XRCC5: variants seen among roughly 807,000 people sequenced by gnomAD.
The protein encoded by XRCC5 is X-ray repair cross complementing 5.
In XRCC5, 12 loss-of-function variants were observed where a neutral mutation model predicts 95.7. The ratio of observed to expected loss-of-function variants is 0.13; its 90% CI spans 0.08 to 0.20. XRCC5 has a LOEUF of 0.20. XRCC5 is among the 10% of genes least tolerant of loss of function. The pLI is 1.00. For synonymous variants in XRCC5, 281 were observed against 290.3 expected, an observed-to-expected ratio of 0.97 and a Z score of 0.33; for missense variants, 595 against 873.9, an observed-to-expected ratio of 0.68 and a Z score of 4.02.
chr2:216,188,151 A>T (rs192750948), intron 16 of XRCC5, among the ~76,000 whole-genome samples: 1 of 152,032 alleles, frequency 6.6e-6, no homozygotes, highest in South Asian at 2.1e-4. Context: ...TCTTCTTCAT[A>T]CTTAGGCTAA....
chr2:216,117,382 G>T (rs187836916), intron 3 of XRCC5: 97 of 237,958 alleles, frequency 4.1e-4, no homozygotes, highest in Non-Finnish European at 6.2e-4. Context: ...GGGAAGTGCT[G>T]TTGTGTTAGG....
At chr2:216,118,501 A>C (rs958593690) in intron 4 of XRCC5, among the ~76,000 whole-genome samples, 2 of 152,122 alleles carry the variant, frequency 1.3e-5, no homozygotes, top group African/African-American at 4.8e-5. Flanking sequence ...GTATTTATTT[A>C]ATTATTGTGC....
chr2:216,140,300 A>G (rs1257869672), intron 12 of XRCC5, among the ~76,000 whole-genome samples: 1 of 152,254 alleles, frequency 6.6e-6, no homozygotes, highest in Non-Finnish European at 1.5e-5. Context: ...TTTAGGAACT[A>G]CTTACTCTTT....
Position 216,195,001 on chromosome 2 carries a change from A to C in XRCC5, c.2109+15A>C, listed in dbSNP as rs1175374154. On this transcript the variant is annotated intron_variant, in intron 19 of 20. Transcript: ENST00000392132. ...AAGCCAAAAAGGTATTGAGGGGTAA[A>C]CCTTTGTCTTTAGTTGAATTATTAT... 6.2e-7 allele frequency: 1 copy of C among 1,613,214 alleles called. No homozygotes were observed. Among genetic ancestry groups the C allele is most frequent in the Non-Finnish European group, 8.5e-7 (1 of 1,179,370 alleles).
intron 1 of XRCC5, chr2:216,110,557 GA>G (rs1696568174): frequency 1.3e-5 from 2 of 152,306 alleles, no homozygotes; most frequent in South Asian, 4.1e-4. Flanking sequence ...CTTCGGTATA[GA>G]AATGAAGAGT....
chr2:216,112,634 A>G (rs1282132659), intron 1 of XRCC5, among the ~76,000 whole-genome samples: 1 of 152,204 alleles, frequency 6.6e-6, no homozygotes, highest in Admixed American at 6.5e-5. Flanking sequence ...ATCTGTTCTC[A>G]TGTTTGTAGG....
chr2:216,175,221 C>A, intron 16 of XRCC5: 1 of 373,508 alleles, frequency 2.7e-6, no homozygotes, highest in South Asian at 2.1e-5. Context: ...TGCCCACCGT[C>A]ACCTCCACAT....
intron 15 of XRCC5, 35 bp downstream of exon 15, chr2:216,160,196 G>GC: frequency 6.8e-7 from 1 of 1,478,426 alleles, no homozygotes; most frequent in Non-Finnish European, 9.2e-7. Context: ...TTCCCCCTTT[G>GC]CAGGAAGGTT....
At chr2:216,165,908 A>G (rs1173436773) in intron 16 of XRCC5, among the ~76,000 whole-genome samples, 2 of 152,228 alleles carry the variant, frequency 1.3e-5, no homozygotes, top group East Asian at 1.9e-4. Flanking sequence ...TCAGCAGTCT[A>G]TATATAGTAG....
At chr2:216,119,799 C>G (rs1373928876) in intron 5 of XRCC5, among the ~76,000 whole-genome samples, 2 of 152,358 alleles carry the variant, frequency 1.3e-5, no homozygotes, top group East Asian at 3.9e-4. Context: ...AATATTCCCT[C>G]CGGGATTTAC....
At chr2:216,163,450 C>T (rs1021878339) in intron 16 of XRCC5, among the ~76,000 whole-genome samples, 3 of 152,018 alleles carry the variant, frequency 2.0e-5, no homozygotes, top group African/African-American at 4.8e-5. Context: ...CCCCCACGCC[C>T]GGCTAATTTT....
chr2:216,115,761 A>G (rs1428889120), intron 2 of XRCC5, among the ~76,000 whole-genome samples: 4 of 151,668 alleles, frequency 2.6e-5, no homozygotes, highest in Non-Finnish European at 4.4e-5. Flanking sequence ...CAGGTAACCA[A>G]TTTTCCCATT....
At chr2:216,162,438 G>A (rs1280892816) in intron 16 of XRCC5, among the ~76,000 whole-genome samples, 6 of 138,410 alleles carry the variant, frequency 4.3e-5, no homozygotes, top group Admixed American at 2.9e-4. Flanking sequence ...TTTCTCTCTT[G>A]TTGCCCAGGC....
At chr2:216,186,493 G>C (rs959394068) in intron 16 of XRCC5, among the ~76,000 whole-genome samples, 2 of 152,186 alleles carry the variant, frequency 1.3e-5, no homozygotes, top group African/African-American at 4.8e-5. Flanking sequence ...GTCAACATCT[G>C]TACTCATTTA....
intron 6 of XRCC5, among the ~76,000 whole-genome samples, chr2:216,123,002 A>G (rs964793991): frequency 2.3e-4 from 35 of 152,226 alleles, no homozygotes; most frequent in African/African-American, 8.4e-4. Flanking sequence ...TGGCATCTAG[A>G]ATAGTGTGTG....
intron 19 of XRCC5, 139 bp downstream of exon 19, chr2:216,195,125 C>A: frequency 2.7e-6 from 2 of 729,278 alleles, no homozygotes; most frequent in Non-Finnish European, 4.6e-6. Flanking sequence ...TTGCTTCAAC[C>A]ACAGCATCCC....
intron 1 of XRCC5, 67 bp downstream of exon 1, chr2:216,109,524 A>C: frequency 6.2e-7 from 1 of 1,603,720 alleles, no homozygotes; most frequent in Non-Finnish European, 8.5e-7. Flanking sequence ...GTTCGGAAGC[A>C]GGAATCGTGG....
intron 14 of XRCC5, among the ~76,000 whole-genome samples, chr2:216,149,926 C>T (rs1320079030): frequency 6.6e-6 from 1 of 152,156 alleles, no homozygotes; most frequent in Non-Finnish European, 1.5e-5. Flanking sequence ...CACGCTTGCT[C>T]ACGCTCCTAT....
chr2:216,163,583 TGAGCCACCG>T (rs1688995326), intron 16 of XRCC5, among the ~76,000 whole-genome samples: 1 of 152,078 alleles, frequency 6.6e-6, no homozygotes, highest in Non-Finnish European at 1.5e-5. Context: ...CACGGTGGCA[TGAGCCACCG>T]TGCCCGGCCC....
Sources: allele counts gnomAD v4.1 joint callset (sites outside exome capture counted in the v4.1 genomes callset), GRCh38; gene constraint gnomAD v4.1.1; transcripts MANE v1.5; gene names NCBI Gene and HGNC (gene_info 2026-07-23, HGNC 2026-07-21).